The following ZSWIM5 variants were observed in gnomAD, a reference collection of about 807,000 sequenced individuals.
ZSWIM5 encodes zinc finger SWIM domain-containing protein 5.
Under a neutral mutation model 119.6 loss-of-function variants are expected in ZSWIM5, and 55 were observed. The ratio of observed to expected loss-of-function variants is 0.46; its 90% CI spans 0.37 to 0.58. ZSWIM5 has a LOEUF of 0.58. Ranked by LOEUF, ZSWIM5 falls within the 20% of genes least tolerant of loss-of-function variation. ZSWIM5 has a pLI of 0.00. For missense variants in ZSWIM5, 1,193 were observed against 1,512.8 expected (o/e 0.79, Z 3.51); for synonymous variants, 537 against 606.9 (o/e 0.88, Z 1.69).
At chr1:45,165,319 G>T (rs1044210878) in intron 1 of ZSWIM5, among the ~76,000 whole-genome samples, 1 of 152,146 alleles carries the variant, frequency 6.6e-6, no homozygotes, top group African/African-American at 2.4e-5. Flanking sequence ...TTAAAGCAGT[G>T]TGTAGAGGGA....
chr1:45,168,811 C>T (rs1035030662), intron 1 of ZSWIM5, among the ~76,000 whole-genome samples: 1 of 151,396 alleles, frequency 6.6e-6, no homozygotes, highest in Non-Finnish European at 1.5e-5. Flanking sequence ...AATGTGGCAA[C>T]ACTGGGCCCA....
chr1:45,130,460 A>C (rs1645649401), intron 1 of ZSWIM5, among the ~76,000 whole-genome samples: 1 of 152,120 alleles, frequency 6.6e-6, no homozygotes, highest in Non-Finnish European at 1.5e-5. Flanking sequence ...TCTCACCAAA[A>C]AGGATAGACA....
At chr1:45,069,353 G>T (rs1380840748) in intron 2 of ZSWIM5, among the ~76,000 whole-genome samples, 1 of 151,794 alleles carries the variant, frequency 6.6e-6, no homozygotes, top group African/African-American at 2.4e-5. Context: ...GTGAACCCGG[G>T]AGGCGGAGCT....
Position 45,088,532 on chromosome 1 carries a change from G to C in ZSWIM5, c.596-295C>G, listed in dbSNP as rs1233178818. 1.3e-5 allele frequency among the ~76,000 whole-genome samples: 2 copies of C among 152,084 alleles called. No homozygotes were observed. Among genetic ancestry groups the C allele is most frequent in the African/African-American group, 4.8e-5 (2 of 41,386 alleles). ...TTTCTGGGGGTGGGGATAGTTCATA[G>C]CTATCATCATAGTCTCAGAAAGACT... is the stretch of plus-strand genomic sequence containing the variant. On this transcript the variant is annotated intron_variant, in intron 1 of 13. Coordinates refer to ENST00000359600, the MANE Select transcript of ZSWIM5 (RefSeq NM_020883.2). This position sits in a 1 kb window ranked among gnomAD's most constrained non-coding sequence, Gnocchi z 4.2.
chr1:45,178,657 T>C (rs1159107780), intron 1 of ZSWIM5, among the ~76,000 whole-genome samples: 1 of 152,162 alleles, frequency 6.6e-6, no homozygotes, highest in Non-Finnish European at 1.5e-5. Context: ...ATGTAATTTA[T>C]ATTAGATTTT....
At chr1:45,149,643 A>C (rs1645784133) in intron 1 of ZSWIM5, among the ~76,000 whole-genome samples, 1 of 152,248 alleles carries the variant, frequency 6.6e-6, no homozygotes, top group South Asian at 2.1e-4. Context: ...TATGAGTTAA[A>C]TCTTGCTTTC....
At chr1:45,132,260 T>C (rs1352179231) in intron 1 of ZSWIM5, among the ~76,000 whole-genome samples, 3 of 152,108 alleles carry the variant, frequency 2.0e-5, no homozygotes, top group African/African-American at 7.2e-5. Context: ...GGTGAGAAGA[T>C]GCTACTCAAA....
intron 11 of ZSWIM5, among the ~76,000 whole-genome samples, chr1:45,025,248 T>C (rs183911435): frequency 2.6e-5 from 4 of 152,354 alleles, no homozygotes; most frequent in Admixed American, 1.3e-4. Context: ...AGTGTTTCCA[T>C]TGGGTAGTGT....
chr1:45,117,986 T>A (rs1237318025), intron 1 of ZSWIM5, among the ~76,000 whole-genome samples: 1 of 152,078 alleles, frequency 6.6e-6, no homozygotes, highest in African/African-American at 2.4e-5. Flanking sequence ...TGAGAATCAC[T>A]TGAACCTGGG....
intron 1 of ZSWIM5, among the ~76,000 whole-genome samples, chr1:45,192,097 A>G (rs1295955402): frequency 6.6e-6 from 1 of 152,236 alleles, no homozygotes; most frequent in Non-Finnish European, 1.5e-5. Flanking sequence ...TTGTATAAAT[A>G]AAATAATATA....
chr1:45,131,700 G>T (rs897392691), intron 1 of ZSWIM5, among the ~76,000 whole-genome samples: 1 of 144,390 alleles, frequency 6.9e-6, no homozygotes, highest in African/African-American at 2.6e-5. Context: ...ACTCCAGCCT[G>T]GGAGACAAAG....
intron 1 of ZSWIM5, among the ~76,000 whole-genome samples, chr1:45,116,386 T>C (rs1317484180): frequency 6.6e-6 from 1 of 152,198 alleles, no homozygotes; most frequent in East Asian, 1.9e-4. Context: ...AGCAATCTCT[T>C]TTCTCCTCCT....
chr1:45,104,046 A>C (rs564574876), intron 1 of ZSWIM5, among the ~76,000 whole-genome samples: 42 of 152,344 alleles, frequency 2.8e-4, no homozygotes, highest in Non-Finnish European at 2.9e-5. Flanking sequence ...TAAACTAAGT[A>C]ACTTCTTTGA....
intron 1 of ZSWIM5, among the ~76,000 whole-genome samples, chr1:45,097,754 T>G (rs1329023090): frequency 6.6e-6 from 1 of 152,054 alleles, no homozygotes; most frequent in Non-Finnish European, 1.5e-5. Flanking sequence ...CAGGCTGGAG[T>G]GCAGTGGTGC....
chr1:45,081,308 T>A (rs1645288788), intron 2 of ZSWIM5, among the ~76,000 whole-genome samples: 2 of 150,024 alleles, frequency 1.3e-5, no homozygotes, highest in South Asian at 4.3e-4. Context: ...ATGGTCTCCC[T>A]CTCCCCATGG....
In ZSWIM5 at chr1:45,126,533, A is replaced by G. The variant is rs571255656; in HGVS notation, c.596-38296T>C. Among the ~76,000 whole-genome samples the G allele has an allele frequency of 1.7e-3, 263 of 152,314 alleles. 1 individual carries two copies. Among genetic ancestry groups the G allele is most frequent in the Admixed American group, 4.4e-3 (68 of 15,306 alleles). ...AGCCCTAACACTATCAAGAAAATTG[A>G]ATCCATAATCTCAAAACTCCCAAGG... On this transcript the variant is annotated intron_variant, in intron 1 of 13. Transcript: ENST00000359600.
intron 1 of ZSWIM5, among the ~76,000 whole-genome samples, chr1:45,159,989 C>A (rs1645853752): frequency 6.6e-6 from 1 of 152,116 alleles, no homozygotes; most frequent in Non-Finnish European, 1.5e-5. Context: ...ACTCTACTCA[C>A]CAAAGGCCCT....
chr1:45,112,097 A>G (rs1645522089), intron 1 of ZSWIM5, among the ~76,000 whole-genome samples: 1 of 152,214 alleles, frequency 6.6e-6, no homozygotes, highest in South Asian at 2.1e-4. Flanking sequence ...GTATGCACTC[A>G]CGAAACTATC....
intron 1 of ZSWIM5, among the ~76,000 whole-genome samples, chr1:45,117,797 T>C (rs142456455): frequency 5.6e-4 from 86 of 152,344 alleles, no homozygotes; most frequent in African/African-American, 1.9e-3. Flanking sequence ...CTTGTTTAAA[T>C]TCAGCAAAGA....
Sources: gnomAD v4.1 joint callset for allele counts (sites outside exome capture counted in the v4.1 genomes callset) on GRCh38, gnomAD v4.1.1 for gene constraint, Gnocchi (gnomAD v3.1) non-coding constraint, MANE v1.5 for transcripts, NCBI Gene and HGNC (gene_info 2026-07-23, HGNC 2026-07-21) for gene names.